The following SV2C variants were observed in gnomAD, a reference collection of about 807,000 sequenced individuals.
The protein encoded by SV2C is solute carrier family 22 member B3.
In SV2C, 49 loss-of-function variants were observed where a neutral mutation model predicts 79.7. The observed-to-expected ratio is 0.61, with a 90% CI of 0.49 to 0.78. SV2C has a LOEUF of 0.78. SV2C is among the 30% of genes least tolerant of loss of function. The pLI is 0.00. For missense variants in SV2C, 833 were observed against 912.9 expected (o/e 0.91, Z 1.13); for synonymous variants, 334 against 333.2 (o/e 1.00, Z -0.03).
At position 76,170,842 on chromosome 5, in the gene SV2C, T is replaced by C. The variant is rs1310374743; in HGVS notation, c.581-24077T>C. 166 of 230,698 alleles carry C rather than the reference T, an allele frequency of 7.2e-4. 2 individuals are homozygous for C. In the East Asian group the frequency reaches 0.015, roughly 21 times the overall value. The allele number at this position is 230,698 out of a possible 1,614,324, so 14.3% of individuals were successfully genotyped here. ...CCCGTCCGGCCATGGTGGCCGCGGG[T>C]GGTGGTTGGCGCGGCTGCGCTGCGG... is the stretch of plus-strand genomic sequence containing the variant. On this transcript the variant is annotated intron_variant, in intron 2 of 12. Coordinates refer to ENST00000502798, the MANE Select transcript of SV2C (RefSeq NM_014979.4).
the SV2C span, among the ~76,000 whole-genome samples, chr5:75,990,679 C>A: frequency 1.3e-5 from 2 of 151,868 alleles, no homozygotes; most frequent in Admixed American, 6.6e-5. Flanking sequence ...AATGAAGGTG[C>A]TAGGGCTGGA....
intron 12 of SV2C, among the ~76,000 whole-genome samples, chr5:76,312,580 G>T (rs183602314): frequency 1.3e-5 from 2 of 152,076 alleles, no homozygotes; most frequent in South Asian, 4.1e-4. Context: ...CCCCTCCTCC[G>T]TGGCGCTCGG....
chr5:75,987,058 C>A, the SV2C span, among the ~76,000 whole-genome samples: 2 of 151,914 alleles, frequency 1.3e-5, no homozygotes, highest in Non-Finnish European at 2.9e-5. Context: ...CTAGACCTGC[C>A]TCTACATTGT....
intron 4 of SV2C, among the ~76,000 whole-genome samples, chr5:76,226,882 A>G (rs535372238): frequency 1.9e-3 from 286 of 152,326 alleles, no homozygotes; most frequent in African/African-American, 6.7e-3. Flanking sequence ...TGGGATGCCC[A>G]TGATCACTGG....
At position 76,298,872 on chromosome 5, in the gene SV2C, A is replaced by C. The variant is rs770735953; in HGVS notation, c.1581A>C (p.Ser527=). 3.1e-6 allele frequency: 5 copies of C among 1,614,040 alleles called. No homozygotes were observed. Among genetic ancestry groups the C allele is most frequent in the Non-Finnish European group, 4.2e-6 (5 of 1,179,922 alleles). ...CCTGCACCTTTGAGGATGTAACTTC[A>C]GTGAACACCTACTTCAAGAACTGCA... ...FKSCTFEDVT[S]VNTYFKNCTF... Residue 527 remains serine (S), a synonymous_variant, in exon 10 of 13, where the codon TCA becomes TCC. Coordinates refer to ENST00000502798, the MANE Select transcript of SV2C (RefSeq NM_014979.4).
downstream of SV2C, among the ~76,000 whole-genome samples, chr5:76,336,731 A>T (rs1439378609): frequency 6.6e-6 from 1 of 152,218 alleles, no homozygotes; most frequent in Non-Finnish European, 1.5e-5. Flanking sequence ...TCTCCACCAA[A>T]AAAACACAAA....
the SV2C span, among the ~76,000 whole-genome samples, chr5:76,031,736 C>T: frequency 0.58 from 88,369 of 152,066 alleles, 26,649 homozygotes; most frequent in African/African-American, 0.73. Context: ...CAGAGTGATA[C>T]TCTAATACCA....
intron 1 of SV2C, among the ~76,000 whole-genome samples, chr5:76,131,292 C>A (rs1748880714): frequency 6.6e-6 from 1 of 152,084 alleles, no homozygotes; most frequent in Non-Finnish European, 1.5e-5. Context: ...TTTTCTCAAT[C>A]AAGGTATATG....
intron 4 of SV2C, among the ~76,000 whole-genome samples, chr5:76,266,785 A>G (rs2112466182): frequency 7.7e-6 from 1 of 129,522 alleles, no homozygotes; most frequent in Admixed American, 7.6e-5. Context: ...ACAGAATTAT[A>G]CAGTAAAAAA....
At chr5:76,273,309 C>T (rs890134303) in intron 4 of SV2C, among the ~76,000 whole-genome samples, 2 of 151,942 alleles carry the variant, frequency 1.3e-5, no homozygotes, top group East Asian at 1.9e-4. Flanking sequence ...TACACATGCA[C>T]ATTTCATGCT....
the SV2C span, among the ~76,000 whole-genome samples, chr5:76,030,285 T>TATTTATTTATTTATTTATTTA: frequency 2.0e-4 from 22 of 109,960 alleles, no homozygotes; most frequent in African/African-American, 1.2e-3. Context: ...TTTTTTTTTT[T>TATTTATTTATTTATTTATTTA]TTTTTTTATT....
chr5:75,869,935 A>G, the SV2C span, among the ~76,000 whole-genome samples: 18,963 of 152,174 alleles, frequency 0.12, 1,391 homozygotes, highest in African/African-American at 0.22. Context: ...CTGCAAAACC[A>G]CAGCGTTTCT....
At chr5:76,208,115 A>C (rs1232594043) in intron 3 of SV2C, among the ~76,000 whole-genome samples, 4 of 152,172 alleles carry the variant, frequency 2.6e-5, no homozygotes, top group Non-Finnish European at 2.9e-5. Context: ...AGCCCAGAGA[A>C]ACTGATATAG....
the SV2C span, among the ~76,000 whole-genome samples, chr5:75,980,482 C>A: frequency 6.6e-6 from 1 of 152,034 alleles, no homozygotes; most frequent in Non-Finnish European, 1.5e-5. Context: ...ACTGGCAAAC[C>A]AAATCGAACA....
Position 76,209,645 on chromosome 5 carries a change from G to A in SV2C, c.762-91G>A, listed in dbSNP as rs920059987. 23 of 1,253,028 alleles carry A rather than the reference G, an allele frequency of 1.8e-5. 1 individual carries two copies. In the South Asian group the frequency reaches 3.0e-4, roughly 16 times the overall value. 77.6% of individuals were successfully genotyped at this position (1,253,028 alleles called of 1,614,324 possible). ...ATATGCTGGGATAGGGAGAAAGCAT[G>A]TGTTGTTAGAGTTTGCTTTGGCTCT... On this transcript the variant is annotated intron_variant, in intron 3 of 12. Transcript: ENST00000502798.
chr5:76,098,209 C>T (rs1346623124), intron 1 of SV2C, among the ~76,000 whole-genome samples: 1 of 152,122 alleles, frequency 6.6e-6, no homozygotes, highest in Non-Finnish European at 1.5e-5. Context: ...TCAGTGTTTC[C>T]TGTGGGAGTC....
chr5:76,122,812 A>T (rs10053957), intron 1 of SV2C, among the ~76,000 whole-genome samples: 1,556 of 152,260 alleles, frequency 0.01, 15 homozygotes, highest in Non-Finnish European at 0.017. Context: ...CGATTAAAAG[A>T]ACTAGAAAAG....
intron 2 of SV2C, among the ~76,000 whole-genome samples, chr5:76,163,464 T>C (rs1742956851): frequency 6.6e-6 from 1 of 152,250 alleles, no homozygotes; most frequent in African/African-American, 2.4e-5. Context: ...TCAGCTCTGC[T>C]TGTTAAGGAT....
the SV2C span, among the ~76,000 whole-genome samples, chr5:75,939,975 A>C: frequency 6.2e-4 from 94 of 152,158 alleles, no homozygotes; most frequent in African/African-American, 2.1e-3. Context: ...ATCTCCTTCC[A>C]TCGTCCTGAG....
Sources: gnomAD v4.1 joint callset for allele counts (sites outside exome capture counted in the v4.1 genomes callset) on GRCh38, gnomAD v4.1.1 for gene constraint, MANE v1.5 for transcripts, NCBI Gene and HGNC (gene_info 2026-07-23, HGNC 2026-07-21) for gene names.